Variants in CTHRC1 observed in about 807,000 individuals in gnomAD.
CTHRC1 encodes collagen triple helix repeat-containing protein 1.
In CTHRC1, 21 loss-of-function variants were observed where a neutral mutation model predicts 25.9. The ratio of observed to expected loss-of-function variants is 0.81; its 90% CI spans 0.57 to 1.17. CTHRC1 has a LOEUF of 1.17. CTHRC1 is among the 50% of genes most tolerant of loss of function. The pLI, the probability that CTHRC1 is intolerant of heterozygous loss-of-function variation, is 0.00. For missense variants in CTHRC1, 281 were observed against 304.3 expected (o/e 0.92, Z 0.57); for synonymous variants, 109 against 113.1 (o/e 0.96, Z 0.23).
intron 1 of CTHRC1, among the ~76,000 whole-genome samples, chr8:103,375,316 T>TTAATAATATTCAAAAAAA (rs1472819220): frequency 1.3e-5 from 2 of 152,128 alleles, no homozygotes; most frequent in African/African-American, 4.8e-5. Context: ...ATAAAAAAAG[T>TTAATAATATTCAAAAAAA]AGAAATAAAC....
intron 3 of CTHRC1, among the ~76,000 whole-genome samples, chr8:103,379,165 C>A (rs973136524): frequency 1.3e-5 from 2 of 152,102 alleles, no homozygotes; most frequent in African/African-American, 2.4e-5. Flanking sequence ...CTGTTTCCAC[C>A]TAGTATGAGG....
Position 103,371,598 on chromosome 8 carries a change from A to G in CTHRC1, c.-59A>G, listed in dbSNP as rs3736051. 1,626 of 1,515,022 alleles carry G rather than the reference A, an allele frequency of 1.1e-3. 27 individuals are homozygous for G. In the East Asian group the frequency reaches 0.023, roughly 21 times the overall value. 93.8% of individuals were successfully genotyped at this position (1,515,022 alleles called of 1,614,324 possible). ...AGCGCGGCGGAGCCAGACGCTGACC[A>G]CGTTCCTCTCCTCGGTCTCCTCCGC... On this transcript the variant is annotated 5_prime_UTR_variant, in exon 1 of 4. Transcript: ENST00000330295.
At chr8:103,381,569 TA>T (rs1379549779) in intron 3 of CTHRC1, among the ~76,000 whole-genome samples, 2 of 152,118 alleles carry the variant, frequency 1.3e-5, no homozygotes, top group Non-Finnish European at 2.9e-5. Context: ...TTGTAATGCA[TA>T]AAAACACAGA....
At chr8:103,373,236 T>C (rs1815741850) in intron 1 of CTHRC1, among the ~76,000 whole-genome samples, 1 of 152,244 alleles carries the variant, frequency 6.6e-6, no homozygotes, top group Non-Finnish European at 1.5e-5. Flanking sequence ...GAAAAGATTT[T>C]GCAGTCAGGC....
intron 1 of CTHRC1, among the ~76,000 whole-genome samples, chr8:103,372,179 C>A (rs1271652430): frequency 1.3e-5 from 2 of 152,066 alleles, no homozygotes; most frequent in Non-Finnish European, 2.9e-5. Flanking sequence ...AGCTTGGGTA[C>A]GTCCGAAGTG....
At chr8:103,372,529 T>TTACACACACCTG (rs1183326996) in intron 1 of CTHRC1, 1 of 1,597,958 alleles carries the variant, frequency 6.3e-7, no homozygotes, top group Non-Finnish European at 8.5e-7. Context: ...CAGTCTGTCA[T>TTACACACACCTG]TACACACACC....
chr8:103,372,629 G>T (rs769013702), intron 1 of CTHRC1: 3 of 1,598,192 alleles, frequency 1.9e-6, no homozygotes, highest in Non-Finnish European at 1.7e-6. Flanking sequence ...TGAACGGCCC[G>T]AGTGCTTTCC....
intron 3 of CTHRC1, among the ~76,000 whole-genome samples, chr8:103,380,903 C>G (rs188061785): frequency 1.3e-5 from 2 of 152,302 alleles, no homozygotes; most frequent in East Asian, 3.9e-4. Context: ...GGGAAGGGGA[C>G]TGAACCAGAG....
At chr8:103,375,271 G>C (rs1253335390) in intron 1 of CTHRC1, among the ~76,000 whole-genome samples, 1 of 152,062 alleles carries the variant, frequency 6.6e-6, no homozygotes, top group Non-Finnish European at 1.5e-5. Context: ...GAAGAAAAAG[G>C]CTGTATGGAT....
At position 103,375,708 on chromosome 8, in the gene CTHRC1, GTTTTCTTTGCC is replaced by G. The variant is rs767655755; in HGVS notation, c.151-21_151-11del. ...AGTCTTTGACTCTTAAGTGGTGAGA[GTTTTCTTTGCC>G]TTTTCTTTCTCATTATAGTATAATG... On this transcript the variant is annotated intron_variant, in intron 1 of 3. Transcript: ENST00000330295. 3 of 1,582,444 alleles carry G rather than the reference GTTTTCTTTGCC, an allele frequency of 1.9e-6. No individual in the cohort carries two copies. The East Asian group carries it at 6.7e-5, about 35-fold the overall frequency.
chr8:103,381,557 A>C (rs1171042807), intron 3 of CTHRC1, among the ~76,000 whole-genome samples: 1 of 152,038 alleles, frequency 6.6e-6, no homozygotes, highest in African/African-American at 2.4e-5. Context: ...AAAGGTGCAT[A>C]ATTGTAATGC....
At chr8:103,379,579 G>A (rs1315871719) in intron 3 of CTHRC1, among the ~76,000 whole-genome samples, 3 of 152,030 alleles carry the variant, frequency 2.0e-5, no homozygotes, top group African/African-American at 7.2e-5. Flanking sequence ...GCACACCATG[G>A]TAGCATCAGA....
At position 103,372,627 on chromosome 8, in the gene CTHRC1, C is replaced by T. The variant is rs374230888; in HGVS notation, c.150+821C>T. 9.4e-6 allele frequency: 15 copies of T among 1,598,162 alleles called. No homozygotes were observed. In the African/African-American group the frequency reaches 1.7e-4, roughly 18 times the overall value. Reference sequence around the variant, plus strand: ...TTCCAGGAAACTGGAAATGAACGGCCCGAGTGCTTTCCAGGGGCTCATCTG... The same window carrying T: ...TTCCAGGAAACTGGAAATGAACGGCTCGAGTGCTTTCCAGGGGCTCATCTG... On this transcript the variant is annotated intron_variant, in intron 1 of 3. Transcript: ENST00000330295.
chr8:103,376,058 CT>C, intron 2 of CTHRC1, 99 bp downstream of exon 2: 2 of 931,104 alleles, frequency 2.1e-6, no homozygotes, highest in Non-Finnish European at 1.7e-6. Flanking sequence ...AACTAAAAGA[CT>C]TAAAAAAGAG....
In CTHRC1 at chr8:103,371,752, G is replaced by A. The variant is rs919105757; in HGVS notation, c.96G>A (p.Glu32=). 4.2e-5 allele frequency: 65 copies of A among 1,536,836 alleles called. No individual in the cohort carries two copies. The highest frequency in any genetic ancestry group is 5.5e-5 in the Non-Finnish European group (63 of 1,142,308). The change falls in exon 1 of 4, where the codon GAG becomes GAA. Residue 32 remains glutamate (E), a synonymous_variant. Coordinates refer to ENST00000330295, the MANE Select transcript of CTHRC1 (RefSeq NM_138455.4). ...TGCCCGCGCCGTCGAGCGCCTCTGA[G>A]ATCCCCAAGGGGAAGCAAAAGGCGC... ...LQLPAPSSAS[E]IPKGKQKAQL... is the part of the protein sequence containing the mutation.
At chr8:103,375,162 C>G (rs1306846386) in intron 1 of CTHRC1, among the ~76,000 whole-genome samples, 4 of 152,100 alleles carry the variant, frequency 2.6e-5, no homozygotes, top group Non-Finnish European at 5.9e-5. Flanking sequence ...TTTTCATACC[C>G]AAGTTGGAGC....
chr8:103,379,225 G>A (rs1051906967), intron 3 of CTHRC1, among the ~76,000 whole-genome samples: 4 of 152,100 alleles, frequency 2.6e-5, no homozygotes, highest in Non-Finnish European at 5.9e-5. Flanking sequence ...TCATTGGGTT[G>A]TTTTATGTAC....
In CTHRC1 at chr8:103,378,130, TCA is replaced by T. The variant is rs776352520; in HGVS notation, c.479_480del (p.Thr160IlefsTer5). The T allele has an allele frequency of 6.2e-7, 1 of 1,614,116 alleles. No individual in the cohort carries two copies. The highest frequency in any genetic ancestry group is 1.1e-5 in the South Asian group (1 of 91,086). Reference sequence around the variant, plus strand: ...AATGCATGCTGTCAGCGTTGGTATTTCACATTCAATGGAGCTGAATGTTCAGG... The same window carrying T: ...AATGCATGCTGTCAGCGTTGGTATTTCATTCAATGGAGCTGAATGTTCAGG... On this transcript the variant is annotated frameshift_variant, in exon 3 of 4. Coordinates refer to ENST00000330295, the MANE Select transcript of CTHRC1 (RefSeq NM_138455.4). LOFTEE classifies it high-confidence loss of function.
rs753158525 is a variant in CTHRC1 at position 103,375,960 on chromosome 8, G to T, written c.372+1G>T. The T allele has an allele frequency of 1.3e-5, 21 of 1,607,452 alleles. No individual in the cohort carries two copies. The Admixed American group carries it at 3.5e-4, about 27-fold the overall frequency. On this transcript the variant is annotated splice_donor_variant, in intron 2 of 3. Coordinates refer to ENST00000330295, the MANE Select transcript of CTHRC1 (RefSeq NM_138455.4). LOFTEE classifies it high-confidence loss of function. ...TGGCATAGATCTTGGGAAAATTGCG[G>T]TAAGTTTGAATTATTTTAAAATTGA... is the stretch of plus-strand genomic sequence containing the variant.
Sources: allele counts gnomAD v4.1 joint callset (sites outside exome capture counted in the v4.1 genomes callset), GRCh38; gene constraint gnomAD v4.1.1; transcripts MANE v1.5; gene names NCBI Gene and HGNC (gene_info 2026-07-23, HGNC 2026-07-21).